The following RBM47 variants were observed in gnomAD, a reference collection of about 807,000 sequenced individuals.
RBM47 encodes the protein RNA-binding protein 47.
In RBM47, 21 loss-of-function variants were observed where a neutral mutation model predicts 47.1. The ratio of observed to expected loss-of-function variants is 0.45; its 90% CI spans 0.32 to 0.64. RBM47 has a LOEUF of 0.64. RBM47 is among the 30% of genes least tolerant of loss of function. The probability of loss-of-function intolerance (pLI) is 0.05; values close to 1 mark genes in which losing one functional copy is unlikely to be tolerated. For synonymous variants in RBM47, 375 were observed against 361.7 expected (o/e 1.04, Z -0.42); for missense variants, 708 against 870.9 (o/e 0.81, Z 2.35).
intron 1 of RBM47, among the ~76,000 whole-genome samples, chr4:40,588,861 C>T (rs781543530): frequency 1.3e-5 from 2 of 151,918 alleles, no homozygotes; most frequent in African/African-American, 2.4e-5. Flanking sequence ...GAATCGTGGC[C>T]GACGTGTTTG....
intron 3 of RBM47, among the ~76,000 whole-genome samples, chr4:40,464,122 C>T (rs745523528): frequency 5.3e-5 from 8 of 152,062 alleles, no homozygotes; most frequent in Non-Finnish European, 8.8e-5. Flanking sequence ...TATATTTACA[C>T]GTAATGTAAT....
chr4:40,520,442 G>C (rs76556754), intron 2 of RBM47, among the ~76,000 whole-genome samples: 1 of 151,750 alleles, frequency 6.6e-6, no homozygotes, highest in Non-Finnish European at 1.5e-5. Flanking sequence ...CTGCTCTATC[G>C]CCCCAGGCCT....
intron 2 of RBM47, among the ~76,000 whole-genome samples, chr4:40,481,543 T>G (rs1720424311): frequency 6.7e-6 from 1 of 149,158 alleles, no homozygotes; most frequent in Non-Finnish European, 1.5e-5. Context: ...GTCAAAGACC[T>G]GGATCATGAT....
intron 2 of RBM47, among the ~76,000 whole-genome samples, chr4:40,524,394 G>C (rs1274661375): frequency 6.6e-6 from 1 of 152,166 alleles, no homozygotes; most frequent in African/African-American, 2.4e-5. Flanking sequence ...ACTGAACCCT[G>C]AATAAATGAG....
At chr4:40,576,240 GTTTT>G (rs143760914) in intron 1 of RBM47, among the ~76,000 whole-genome samples, 2,096 of 114,802 alleles carry the variant, frequency 0.018, 50 homozygotes, top group African/African-American at 0.059. Flanking sequence ...TCTCTTTTCT[GTTTT>G]TTTTTTTTTT....
chr4:40,464,179 T>C (rs946265136), intron 3 of RBM47, among the ~76,000 whole-genome samples: 6 of 152,228 alleles, frequency 3.9e-5, no homozygotes, highest in African/African-American at 1.4e-4. Context: ...AATCGTGGCA[T>C]AGCCACAGCT....
intron 2 of RBM47, chr4:40,542,700 T>A (rs1194504612): frequency 6.6e-6 from 1 of 152,086 alleles, no homozygotes; most frequent in Non-Finnish European, 1.5e-5. Flanking sequence ...GAGAATGGGA[T>A]GACAATTTTT....
chr4:40,605,107 C>A (rs906240948), intron 1 of RBM47, among the ~76,000 whole-genome samples: 3 of 152,204 alleles, frequency 2.0e-5, no homozygotes, highest in African/African-American at 7.2e-5. Context: ...ACTGCAACCT[C>A]CGCCTCCCAG....
chr4:40,566,376 G>A (rs555229725), intron 1 of RBM47, among the ~76,000 whole-genome samples: 40 of 152,226 alleles, frequency 2.6e-4, no homozygotes, highest in Non-Finnish European at 5.3e-4. Flanking sequence ...GCTGGGCACA[G>A]TGGCTCATGC....
intron 1 of RBM47, among the ~76,000 whole-genome samples, chr4:40,574,531 T>C (rs1174902223): frequency 1.3e-5 from 2 of 152,132 alleles, no homozygotes; most frequent in African/African-American, 2.4e-5. Context: ...ACAGGGAAGA[T>C]GAAAAAGTCA....
chr4:40,570,822 A>C (rs1400620751), intron 1 of RBM47, among the ~76,000 whole-genome samples: 2 of 151,436 alleles, frequency 1.3e-5, no homozygotes. Flanking sequence ...TATGAGTCAG[A>C]AAGTGGGTAA....
intron 3 of RBM47, among the ~76,000 whole-genome samples, chr4:40,449,571 T>A (rs1441017228): frequency 6.6e-6 from 1 of 152,230 alleles, no homozygotes; most frequent in African/African-American, 2.4e-5. Flanking sequence ...CAGGGAGGCC[T>A]GCTGTGTACT....
intron 1 of RBM47, among the ~76,000 whole-genome samples, chr4:40,574,628 T>C (rs1253493270): frequency 6.6e-6 from 1 of 152,146 alleles, no homozygotes; most frequent in African/African-American, 2.4e-5. Flanking sequence ...GGTGGGCAGA[T>C]CACCTGAGAT....
intron 1 of RBM47, among the ~76,000 whole-genome samples, chr4:40,619,786 A>G (rs1737084886): frequency 6.6e-6 from 1 of 152,144 alleles, no homozygotes; most frequent in Non-Finnish European, 1.5e-5. Context: ...GTTCCTTCAG[A>G]ACACTAAATC....
At chr4:40,454,833 A>G (rs929561082) in intron 3 of RBM47, among the ~76,000 whole-genome samples, 1 of 152,224 alleles carries the variant, frequency 6.6e-6, no homozygotes, top group Non-Finnish European at 1.5e-5. Flanking sequence ...TGAGGGTATC[A>G]AATAACTTGA....
chr4:40,436,940 CG>C (rs56769284), intron 4 of RBM47: 48,514 of 473,258 alleles, frequency 0.1, 2,475 homozygotes, highest in African/African-American at 0.15. Context: ...CCCTCCCCCC[CG>C]CCAAAAAAAA....
At chr4:40,545,666 A>AAAATAAATAAAT (rs150331418) in intron 1 of RBM47, among the ~76,000 whole-genome samples, 35,662 of 133,248 alleles carry the variant, frequency 0.27, 5,187 homozygotes, top group Admixed American at 0.36. Flanking sequence ...CTCCTTCTCA[A>AAAATAAATAAAT]AAATAAATAA....
intron 2 of RBM47, chr4:40,543,318 T>G (rs1728720608): frequency 6.6e-6 from 1 of 152,148 alleles, no homozygotes; most frequent in Admixed American, 6.6e-5. Context: ...ACCCGCTGAT[T>G]GCAGGAGGGG....
chr4:40,570,610 C>T lies in RBM47; in HGVS notation c.-239-26104G>A, dbSNP rs17513177. ...TGCCTGGAACCCCTGATCTAAAGGG[C>T]GTTCCTGAAGCAGAAGGAAAATGGA... On this transcript the variant is annotated intron_variant, in intron 1 of 6. Coordinates refer to ENST00000295971, the MANE Select transcript of RBM47 (RefSeq NM_001098634.2). 6.6e-3 allele frequency among the ~76,000 whole-genome samples: 997 copies of T among 151,936 alleles called. 15 individuals are homozygous for T. Among genetic ancestry groups the T allele is most frequent in the Non-Finnish European group, 0.011 (757 of 67,888 alleles).
Sources: allele counts gnomAD v4.1 joint callset (sites outside exome capture counted in the v4.1 genomes callset), GRCh38; gene constraint gnomAD v4.1.1; transcripts MANE v1.5; gene names NCBI Gene and HGNC (gene_info 2026-07-23, HGNC 2026-07-21).